DCP2: variants seen among roughly 807,000 people sequenced by gnomAD.
The protein encoded by DCP2 is m7GpppN-mRNA hydrolase.
DCP2 carries 30 observed loss-of-function variants against 56.1 expected under a neutral mutation model. The observed-to-expected ratio is 0.53, with a 90% CI of 0.40 to 0.73. The LOEUF (loss-of-function observed/expected upper bound fraction) is 0.73. Among genes scored for constraint, DCP2 ranks in the 30% least tolerant of loss-of-function variants. The pLI, the probability that DCP2 is intolerant of heterozygous loss-of-function variation, is 0.00. For synonymous variants in DCP2, 197 were observed against 163.3 expected (o/e 1.21, Z -1.57); for missense variants, 533 against 502.7 (o/e 1.06, Z -0.58).
At chr5:112,981,339 A>G (rs1436423710) in intron 1 of DCP2, among the ~76,000 whole-genome samples, 2 of 152,020 alleles carry the variant, frequency 1.3e-5, no homozygotes, top group African/African-American at 4.8e-5. Context: ...TTAAAATTAT[A>G]TTTGTTTTAC....
In DCP2 at chr5:112,985,938, AAC is replaced by A; in HGVS notation, c.162_163del (p.Pro55ArgfsTer12). 1 of 1,604,200 alleles carries A rather than the reference AAC, an allele frequency of 6.2e-7. No homozygotes were observed. Among genetic ancestry groups the A allele is most frequent in the African/African-American group, 1.3e-5 (1 of 74,956 alleles). ...GTTTTACTTGGATTTCTACATGCAG[AAC>A]ACACCAGGATTACCTCAGTGTGGGA... is the stretch of plus-strand genomic sequence containing the variant. ...HWFYLDFYMQ[N>X]TPGLPQCGIR... On this transcript the variant is annotated frameshift_variant, in exon 2 of 11. Coordinates refer to ENST00000389063, the MANE Select transcript of DCP2 (RefSeq NM_152624.6). LOFTEE classifies it high-confidence loss of function.
rs184009183 is a variant in DCP2, at chr5:112,978,995, A to G, written c.53+2009A>G. On this transcript the variant is annotated intron_variant, in intron 1 of 10. Coordinates refer to ENST00000389063, the MANE Select transcript of DCP2 (RefSeq NM_152624.6). Reference sequence around the variant, plus strand: ...TTTGCATATTATCTAGGATTACATCATTTAAATAAGTGATGTCAGCTGTTA... The same window carrying G: ...TTTGCATATTATCTAGGATTACATCGTTTAAATAAGTGATGTCAGCTGTTA... Among the ~76,000 whole-genome samples the G allele has an allele frequency of 7.9e-4, 121 of 152,330 alleles. 1 individual carries two copies. The highest frequency in any genetic ancestry group is 4.3e-3 in the Admixed American group (66 of 15,300).
chr5:113,002,223 G>C (rs1561699316), intron 7 of DCP2, among the ~76,000 whole-genome samples: 1 of 152,116 alleles, frequency 6.6e-6, no homozygotes, highest in East Asian at 1.9e-4. Flanking sequence ...ATGAGTTCAA[G>C]ACCAGCCTGG....
intron 1 of DCP2, among the ~76,000 whole-genome samples, chr5:112,981,173 T>C (rs568740211): frequency 2.0e-5 from 3 of 152,072 alleles, no homozygotes; most frequent in Non-Finnish European, 4.4e-5. Context: ...CATGCCCAGG[T>C]ATTAAATACA....
chr5:112,992,388 A>G (rs1748634907), intron 3 of DCP2, 140 bp downstream of exon 3: 6 of 1,166,638 alleles, frequency 5.1e-6, no homozygotes, highest in Non-Finnish European at 7.0e-6. Context: ...AGCTTTGTAT[A>G]TTTTATCCGC....
chr5:112,999,929 C>T (rs1302758342), intron 4 of DCP2, among the ~76,000 whole-genome samples: 4 of 151,778 alleles, frequency 2.6e-5, no homozygotes, highest in African/African-American at 7.3e-5. Context: ...GGCATGGTGA[C>T]AGGCAGCTGT....
chr5:112,997,359 G>A lies in DCP2; in HGVS notation c.433-3725G>A, dbSNP rs573948346. On this transcript the variant is annotated intron_variant, in intron 4 of 10. Coordinates refer to ENST00000389063, the MANE Select transcript of DCP2 (RefSeq NM_152624.6). ...AACATCAACTTTCTTGAGAATAAGCGAATAATACTTAGCTGTTCACTTGTG... is the reference window on the plus strand; with the variant it reads ...AACATCAACTTTCTTGAGAATAAGCAAATAATACTTAGCTGTTCACTTGTG... 7.2e-5 allele frequency among the ~76,000 whole-genome samples: 11 copies of A among 152,274 alleles called. No homozygotes were observed. The South Asian group carries it at 1.2e-3, about 17-fold the overall frequency.
At chr5:113,002,120 G>T (rs1749209613) in intron 7 of DCP2, among the ~76,000 whole-genome samples, 1 of 152,108 alleles carries the variant, frequency 6.6e-6, no homozygotes, top group African/African-American at 2.4e-5. Flanking sequence ...GTGAAGACTT[G>T]GGCTTTTAAA....
At chr5:112,982,601 G>A (rs188944977) in intron 1 of DCP2, among the ~76,000 whole-genome samples, 1 of 152,272 alleles carries the variant, frequency 6.6e-6, no homozygotes, top group African/African-American at 2.4e-5. Flanking sequence ...GTGTCTAGGT[G>A]ATATCCTTAA....
chr5:112,982,234 G>A (rs765556380), intron 1 of DCP2, among the ~76,000 whole-genome samples: 5 of 151,990 alleles, frequency 3.3e-5, no homozygotes, highest in Admixed American at 6.6e-5. Flanking sequence ...CTTCTCATCC[G>A]CTTCCTTATC....
chr5:113,006,742 T>G (rs1749455012), intron 8 of DCP2, among the ~76,000 whole-genome samples: 2 of 152,240 alleles, frequency 1.3e-5, no homozygotes, highest in African/African-American at 4.8e-5. Flanking sequence ...AATTTAAACT[T>G]AAGAATTTTT....
intron 10 of DCP2, among the ~76,000 whole-genome samples, chr5:113,011,150 A>G (rs970144877): frequency 6.6e-6 from 1 of 152,192 alleles, no homozygotes; most frequent in African/African-American, 2.4e-5. Context: ...TCTCAGATCT[A>G]TATAAGGGGT....
intron 4 of DCP2, among the ~76,000 whole-genome samples, chr5:113,000,420 A>ACAGACACACACC (rs1554100632): frequency 3.4e-5 from 5 of 146,652 alleles, no homozygotes; most frequent in African/African-American, 1.0e-4. Context: ...ACACACACAC[A>ACAGACACACACC]CACACCCACA....
Position 113,019,754 on chromosome 5 carries a change from T to A in DCP2, c.*6270T>A, listed in dbSNP as rs1329563214. 1 of 152,236 alleles carries A rather than the reference T, an allele frequency of 6.6e-6. No individual in the cohort carries two copies. Among genetic ancestry groups the A allele is most frequent in the East Asian group, 1.9e-4 (1 of 5,206 alleles). The allele number at this position is 152,236 out of a possible 1,614,324, so 9.4% of individuals were successfully genotyped here. On this transcript the variant is annotated 3_prime_UTR_variant, in exon 11 of 11. Coordinates refer to ENST00000389063, the MANE Select transcript of DCP2 (RefSeq NM_152624.6). Reference sequence around the variant, plus strand: ...TTATAGTACTTTTAAAAAATCATCCTTGGTAATTATTGACTTATCCTAGAT... The same window carrying A: ...TTATAGTACTTTTAAAAAATCATCCATGGTAATTATTGACTTATCCTAGAT...
chr5:113,008,065 T>C, intron 9 of DCP2, 23 bp downstream of exon 9: 1 of 1,585,468 alleles, frequency 6.3e-7, no homozygotes, highest in Non-Finnish European at 8.7e-7. Context: ...GCTGTCACAC[T>C]AAGTAGGCAG....
chr5:113,009,124 C>T (rs1406336904), intron 9 of DCP2, among the ~76,000 whole-genome samples: 1 of 152,162 alleles, frequency 6.6e-6, no homozygotes, highest in African/African-American at 2.4e-5. Context: ...GGATTACAGG[C>T]GTGAGCCACC....
chr5:112,999,373 G>T (rs1224557248), intron 4 of DCP2, among the ~76,000 whole-genome samples: 1 of 151,936 alleles, frequency 6.6e-6, no homozygotes, highest in Non-Finnish European at 1.5e-5. Context: ...TGTTGCCCAG[G>T]CTGGAGTGTA....
intron 1 of DCP2, 68 bp from the exon 2 acceptor site, chr5:112,985,754 AGGTATGAAGCACT>A: frequency 6.7e-7 from 1 of 1,490,584 alleles, no homozygotes. Context: ...TTGGTGGGTC[AGGTATGAAGCACT>A]TAAATAGCTT....
intron 2 of DCP2, among the ~76,000 whole-genome samples, chr5:112,988,544 C>CTGTTA: frequency 6.8e-6 from 1 of 147,118 alleles, no homozygotes; most frequent in Non-Finnish European, 1.5e-5. Flanking sequence ...ATTGGTTGGT[C>CTGTTA]TGTTACATCA....
Sources: gnomAD v4.1 joint callset for allele counts (sites outside exome capture counted in the v4.1 genomes callset) on GRCh38, gnomAD v4.1.1 for gene constraint, MANE v1.5 for transcripts, NCBI Gene and HGNC (gene_info 2026-07-23, HGNC 2026-07-21) for gene names.